Variants in DPF3 observed in about 807,000 individuals in gnomAD.
DPF3 encodes the protein double PHD fingers 3.
A neutral mutation model predicts 56.8 loss-of-function variants in DPF3; 18 were observed. The observed-to-expected ratio is 0.32, with a 90% CI of 0.22 to 0.47. The LOEUF (loss-of-function observed/expected upper bound fraction) is 0.47, where lower values mean the gene tolerates loss of function less well. Ranked by LOEUF, DPF3 falls within the 20% of genes least tolerant of loss-of-function variation. The pLI is 1.00. For missense variants in DPF3, 403 were observed against 488.8 expected (o/e 0.82, Z 1.65); for synonymous variants, 188 against 180.2 (o/e 1.04, Z -0.35).
At chr14:72,867,275 T>C (rs1885713134) in intron 1 of DPF3, among the ~76,000 whole-genome samples, 1 of 152,054 alleles carries the variant, frequency 6.6e-6, no homozygotes, top group Non-Finnish European at 1.5e-5. Flanking sequence ...GGGAGATGAG[T>C]TGCACTGTAT....
At chr14:72,824,551 C>CTTTTT (rs375498304) in intron 1 of DPF3, among the ~76,000 whole-genome samples, 43 of 143,200 alleles carry the variant, frequency 3.0e-4, no homozygotes, top group East Asian at 6.2e-4. Flanking sequence ...TTTTCTTTTT[C>CTTTTT]TTTTTTTTTT....
Position 72,748,500 on chromosome 14 carries a change from G to A in DPF3, c.301+4764C>T, listed in dbSNP as rs190393906. 1.2e-3 allele frequency among the ~76,000 whole-genome samples: 176 copies of A among 152,268 alleles called. 1 individual carries two copies. The East Asian group carries it at 0.02, about 18-fold the overall frequency. ...AAAAAAAAAATCCATTTTCTGAGGAGAAATTCAAGCTGGCTACAGAAATTT... is the reference window on the plus strand; with the variant it reads ...AAAAAAAAAATCCATTTTCTGAGGAAAAATTCAAGCTGGCTACAGAAATTT... On this transcript the variant is annotated intron_variant, in intron 3 of 10. Coordinates refer to ENST00000556509, the MANE Select transcript of DPF3 (RefSeq NM_001280542.3).
intron 8 of DPF3, among the ~76,000 whole-genome samples, chr14:72,652,323 G>C (rs1018671292): frequency 2.0e-5 from 3 of 152,168 alleles, no homozygotes; most frequent in Admixed American, 6.5e-5. Context: ...CATTGGTGGT[G>C]GTGGGCTGAC....
At chr14:72,873,588 G>T (rs1052630391) in intron 1 of DPF3, among the ~76,000 whole-genome samples, 7 of 152,130 alleles carry the variant, frequency 4.6e-5, no homozygotes, top group Admixed American at 2.6e-4. Context: ...TACCCAAAGG[G>T]TTATAAATCA....
At chr14:72,690,369 C>CCTTCTA (rs1158733768) in intron 7 of DPF3, among the ~76,000 whole-genome samples, 5 of 152,280 alleles carry the variant, frequency 3.3e-5, no homozygotes, top group Admixed American at 2.6e-4. Context: ...GAGACTGCCT[C>CCTTCTA]CTTCTACTTC....
chr14:72,714,153 A>T (rs1173824942), intron 6 of DPF3, among the ~76,000 whole-genome samples: 1 of 152,214 alleles, frequency 6.6e-6, no homozygotes, highest in African/African-American at 2.4e-5. Flanking sequence ...GGAGAGCCAC[A>T]CAGGAGGCAT....
chr14:72,640,046 T>TAAAAAAAAAAAAAAAAAA (rs370070354), intron 8 of DPF3, among the ~76,000 whole-genome samples: 27 of 45,258 alleles, frequency 6.0e-4, no homozygotes, highest in South Asian at 1.0e-3. Flanking sequence ...GTTTTCTAAG[T>TAAAAAAAAAAAAAAAAAA]AAAAAAAAAA....
chr14:72,821,443 T>C (rs1055547817), intron 1 of DPF3, among the ~76,000 whole-genome samples: 7 of 152,164 alleles, frequency 4.6e-5, no homozygotes, highest in African/African-American at 1.7e-4. Context: ...CAAAAAAGAA[T>C]TTTTATTACT....
chr14:72,885,361 AT>A (rs1412683163), intron 1 of DPF3, among the ~76,000 whole-genome samples: 32 of 132,616 alleles, frequency 2.4e-4, no homozygotes, highest in Non-Finnish European at 4.8e-4. Flanking sequence ...GTAGCCGCTA[AT>A]TTTTTGGGTT....
Position 72,648,187 on chromosome 14 carries a change from T to G in DPF3, c.872-18451A>C, listed in dbSNP as rs1388295171. Among the ~76,000 whole-genome samples, 6 of 152,216 alleles carry G rather than the reference T, an allele frequency of 3.9e-5. No individual in the cohort carries two copies. The East Asian group carries it at 1.2e-3, about 29-fold the overall frequency. On this transcript the variant is annotated intron_variant, in intron 8 of 10. Coordinates refer to ENST00000556509, the MANE Select transcript of DPF3 (RefSeq NM_001280542.3). Reference sequence around the variant, plus strand: ...TAGTCGAATTATTCTCCCATCTCTCTCTGTCTTTTCAAATCTCCCATATCT... The same window carrying G: ...TAGTCGAATTATTCTCCCATCTCTCGCTGTCTTTTCAAATCTCCCATATCT...
rs763101014 is a variant in DPF3, at chr14:72,654,731, C to T, written c.871+19509G>A. ...TCAGTAACTAATGCATAGAAAGTAACCCCCAAAAGGTTATTCCAGTTCCCC... is the reference window on the plus strand; with the variant it reads ...TCAGTAACTAATGCATAGAAAGTAATCCCCAAAAGGTTATTCCAGTTCCCC... On this transcript the variant is annotated intron_variant, in intron 8 of 10. Coordinates refer to ENST00000556509, the MANE Select transcript of DPF3 (RefSeq NM_001280542.3). 5.3e-4 allele frequency among the ~76,000 whole-genome samples: 80 copies of T among 152,084 alleles called. 1 individual carries two copies. The highest frequency in any genetic ancestry group is 6.3e-3 in the Middle Eastern group (2 of 316).
intron 4 of DPF3, among the ~76,000 whole-genome samples, chr14:72,725,143 A>T (rs994162801): frequency 4.6e-5 from 7 of 152,152 alleles, no homozygotes; most frequent in Non-Finnish European, 1.0e-4. Context: ...TCTAGTGCTG[A>T]CTACGTGGCA....
intron 8 of DPF3, among the ~76,000 whole-genome samples, chr14:72,649,762 A>C (rs1464579099): frequency 6.6e-6 from 1 of 152,182 alleles, no homozygotes; most frequent in Non-Finnish European, 1.5e-5. Context: ...CTCTTAAAAC[A>C]ATCTGTGACT....
chr14:72,767,761 A>AC (rs1261230188), intron 2 of DPF3, among the ~76,000 whole-genome samples: 11 of 7,060 alleles, frequency 1.6e-3, no homozygotes, highest in African/African-American at 2.7e-3. Context: ...CAAATTTGGC[A>AC]AAAAAAAAAA....
intron 8 of DPF3, among the ~76,000 whole-genome samples, chr14:72,664,983 A>G (rs1886385972): frequency 6.6e-6 from 1 of 152,152 alleles, no homozygotes; most frequent in South Asian, 2.1e-4. Context: ...GATTTTTGCC[A>G]TTTTACATGG....
chr14:72,629,985 G>A (rs1053695412), intron 8 of DPF3, among the ~76,000 whole-genome samples: 1 of 152,146 alleles, frequency 6.6e-6, no homozygotes, highest in Non-Finnish European at 1.5e-5. Context: ...CCCAGCAGGT[G>A]TAACCAGTTG....
At chr14:72,743,458 T>A (rs1038943942) in intron 3 of DPF3, among the ~76,000 whole-genome samples, 1 of 152,068 alleles carries the variant, frequency 6.6e-6, no homozygotes, top group East Asian at 1.9e-4. Flanking sequence ...ACCTCTAAAA[T>A]GAAGATAATA....
rs145673516 is a variant in DPF3, at chr14:72,709,122, C to T, written c.604+5301G>A. Among the ~76,000 whole-genome samples the T allele has an allele frequency of 1.1e-3, 175 of 152,354 alleles. 1 individual carries two copies. Among genetic ancestry groups the T allele is most frequent in the African/African-American group, 4.1e-3 (170 of 41,570 alleles). The stretch of plus-strand genomic sequence containing the variant: ...ACCCTAGACCCTATTCTGATACTAC[C>T]CCCACTGGGTGTGGCAACACACTCC... On this transcript the variant is annotated intron_variant, in intron 6 of 10. Coordinates refer to ENST00000556509, the MANE Select transcript of DPF3 (RefSeq NM_001280542.3).
chr14:72,753,281 A>G lies in DPF3; in HGVS notation c.284T>C (p.Leu95Pro). The change falls in exon 3 of 11, where the codon CTG (leucine) becomes CCG (proline). Residue 95 changes from leucine (L) to proline (P), a missense_variant. Leu to Pro is a moderately conservative substitution (Grantham distance 98). Around this residue, in one of 2 missense-constraint regions of DPF3, gnomAD observed 340 missense variants for 374.3 expected, o/e 0.91. Transcript: ENST00000556509. ...GCACTGACCAGGTTTTATCTCCAGC[A>G]GCCGCAGTTTTGGATCTTCAGGTGG... Reference protein sequence around the residue: ...LHPPEDPKLRLLEIKPEVELP... With the variant: ...LHPPEDPKLRPLEIKPEVELP... 1 of 1,613,740 alleles carries G rather than the reference A, an allele frequency of 6.2e-7. No individual in the cohort carries two copies. Among genetic ancestry groups the G allele is most frequent in the Non-Finnish European group, 8.5e-7 (1 of 1,179,828 alleles).
Sources: gnomAD v4.1 joint callset for allele counts (sites outside exome capture counted in the v4.1 genomes callset) on GRCh38, gnomAD v4.1.1 for gene constraint, gnomAD v4.1.1 regional missense constraint, MANE v1.5 for transcripts, NCBI Gene and HGNC (gene_info 2026-07-23, HGNC 2026-07-21) for gene names.